NDUFAF6: variants seen among roughly 807,000 people sequenced by gnomAD.
NDUFAF6 encodes NADH dehydrogenase (ubiquinone) complex I, assembly factor 6.
Under a neutral mutation model 40.8 loss-of-function variants are expected in NDUFAF6, and 45 were observed. That is an observed-to-expected ratio of 1.10 (90% CI 0.87 to 1.42). The LOEUF (loss-of-function observed/expected upper bound fraction) is 1.42, where lower values mean the gene tolerates loss of function less well. NDUFAF6 is among the 40% of genes most tolerant of loss of function. NDUFAF6 has a pLI of 0.00. For synonymous variants in NDUFAF6, 185 were observed against 155.9 expected, an observed-to-expected ratio of 1.19 and a Z score of -1.39; for missense variants, 435 against 418.5, an observed-to-expected ratio of 1.04 and a Z score of -0.34.
intron 1 of NDUFAF6, among the ~76,000 whole-genome samples, chr8:94,907,653 A>G (rs1253725982): frequency 3.3e-5 from 5 of 152,236 alleles, no homozygotes; most frequent in Admixed American, 3.3e-4. Context: ...AGAGTTCATC[A>G]TGCCTTCAGT....
chr8:95,036,315 A>AG, intron 3 of NDUFAF6: 1 of 1,286,144 alleles, frequency 7.8e-7, no homozygotes, highest in Non-Finnish European at 1.0e-6. Context: ...TTGCCAAAAG[A>AG]GGGTTTCTGT....
rs574509691 is a variant in NDUFAF6, at chr8:94,896,944, C to G, written c.-936+1017C>G. On this transcript the variant is annotated intron_variant, in intron 1 of 14. Transcript: ENST00000396113. Reference sequence around the variant, plus strand: ...GGAGAAGCCCATGCCTTGTCAGTCCCAAGAAACTTTCTGCCATTTCTAACG... The same window carrying G: ...GGAGAAGCCCATGCCTTGTCAGTCCGAAGAAACTTTCTGCCATTTCTAACG... Among the ~76,000 whole-genome samples, 5 of 152,304 alleles carry G rather than the reference C, an allele frequency of 3.3e-5. No individual in the cohort carries two copies. In the South Asian group the frequency reaches 1.0e-3, roughly 32 times the overall value.
At chr8:94,947,921 T>C (rs1378044236) in intron 2 of NDUFAF6, among the ~76,000 whole-genome samples, 2 of 152,250 alleles carry the variant, frequency 1.3e-5, no homozygotes, top group Admixed American at 1.3e-4. Context: ...AGCTTCCCAG[T>C]GCTTTTCACA....
intron 2 of NDUFAF6, among the ~76,000 whole-genome samples, chr8:95,082,020 C>T (rs1488443896): frequency 2.6e-5 from 4 of 152,080 alleles, no homozygotes; most frequent in African/African-American, 7.2e-5. Flanking sequence ...GCCGAGATCG[C>T]GCCACTGCAC....
exon 1 of NDUFAF6, chr8:94,958,013 C>T (rs958293794): frequency 1.3e-5 from 2 of 152,500 alleles, no homozygotes; most frequent in African/African-American, 4.8e-5. Flanking sequence ...TTCGGCCTTT[C>T]TGACATGGTG....
chr8:95,093,947 T>C (rs1405533060), intron 2 of NDUFAF6, among the ~76,000 whole-genome samples: 2 of 152,204 alleles, frequency 1.3e-5, no homozygotes, highest in African/African-American at 4.8e-5. Flanking sequence ...AGGCCTTCTT[T>C]AGACCTGAAA....
downstream of NDUFAF6, among the ~76,000 whole-genome samples, chr8:95,118,337 G>C (rs1461023815): frequency 6.6e-6 from 1 of 152,222 alleles, no homozygotes. Flanking sequence ...ACTAAGGCCA[G>C]TTCAGGTTCA....
intron 2 of NDUFAF6, among the ~76,000 whole-genome samples, chr8:94,995,305 G>T (rs1000248505): frequency 1.2e-4 from 19 of 152,348 alleles, no homozygotes; most frequent in African/African-American, 3.8e-4. Flanking sequence ...AGTTGCTAAA[G>T]GCTGGGAGGA....
intron 3 of NDUFAF6, among the ~76,000 whole-genome samples, chr8:95,039,925 G>A (rs951187481): frequency 2.6e-5 from 4 of 152,128 alleles, no homozygotes; most frequent in Non-Finnish European, 4.4e-5. Context: ...CACTGTGCCC[G>A]GCCAGAACAG....
At chr8:95,024,941 C>T, upstream of NDUFAF6, 7 of 1,244,382 alleles carry the variant, frequency 5.6e-6, no homozygotes, top group Non-Finnish European at 7.1e-6. Flanking sequence ...GGGGAACCTG[C>T]AGGGGCGTGG....
intron 1 of NDUFAF6, among the ~76,000 whole-genome samples, chr8:94,943,741 AT>A (rs994420244): frequency 6.6e-6 from 1 of 152,238 alleles, no homozygotes; most frequent in African/African-American, 2.4e-5. Flanking sequence ...AACATTTCAA[AT>A]AAATAACATT....
intron 2 of NDUFAF6, among the ~76,000 whole-genome samples, chr8:94,982,843 T>C (rs760806062): frequency 1.3e-5 from 2 of 152,242 alleles, no homozygotes; most frequent in Non-Finnish European, 2.9e-5. Context: ...GCCAACTAAG[T>C]TGAGACTCTG....
chr8:94,954,150 C>T (rs1463132045), upstream of NDUFAF6, among the ~76,000 whole-genome samples: 1 of 45,032 alleles, frequency 2.2e-5, no homozygotes, highest in Admixed American at 3.0e-4. Flanking sequence ...ACAACCTCCG[C>T]CCCCCGGGTT....
At chr8:95,005,979 A>G (rs986152498) in intron 2 of NDUFAF6, among the ~76,000 whole-genome samples, 17 of 152,062 alleles carry the variant, frequency 1.1e-4, no homozygotes, top group Non-Finnish European at 2.1e-4. Context: ...ACCTCTATTG[A>G]CCTACACCCA....
intron 2 of NDUFAF6, among the ~76,000 whole-genome samples, chr8:95,095,113 C>T (rs1018615768): frequency 9.2e-5 from 14 of 151,472 alleles, no homozygotes; most frequent in African/African-American, 3.2e-4. Context: ...CTAACCATCA[C>T]GCAGTCAGAT....
chr8:94,961,792 T>C (rs901189810), intron 1 of NDUFAF6, among the ~76,000 whole-genome samples: 1 of 152,164 alleles, frequency 6.6e-6, no homozygotes, highest in African/African-American at 2.4e-5. Flanking sequence ...ATAACAAAAC[T>C]TGTACCAAGA....
At chr8:95,092,702 A>G (rs1809301401) in intron 2 of NDUFAF6, among the ~76,000 whole-genome samples, 1 of 145,974 alleles carries the variant, frequency 6.9e-6, no homozygotes, top group Non-Finnish European at 1.5e-5. Context: ...CTCCTGCCTC[A>G]GCCTCCTGAG....
chr8:94,960,342 A>T (rs1426291970), intron 1 of NDUFAF6, among the ~76,000 whole-genome samples: 1 of 152,174 alleles, frequency 6.6e-6, no homozygotes, highest in Non-Finnish European at 1.5e-5. Context: ...TGCTATTTTC[A>T]TCATGGCAAT....
intron 1 of NDUFAF6, among the ~76,000 whole-genome samples, chr8:94,942,323 A>G (rs116199014): frequency 0.022 from 3,321 of 151,974 alleles, 117 homozygotes; most frequent in African/African-American, 0.077. Context: ...TACAGGCGTG[A>G]GCTGCCGCAC....
Sources: allele counts gnomAD v4.1 joint callset (sites outside exome capture counted in the v4.1 genomes callset), GRCh38; gene constraint gnomAD v4.1.1; transcripts MANE v1.5; gene names NCBI Gene and HGNC (gene_info 2026-07-23, HGNC 2026-07-21).